The following PLXNA4 variants were observed in gnomAD, a reference collection of about 807,000 sequenced individuals.
PLXNA4 encodes plexin A4, also known as plexin-A4.
PLXNA4 carries 44 observed loss-of-function variants against 191.8 expected under a neutral mutation model. The observed-to-expected ratio is 0.23, with a 90% confidence interval of 0.18 to 0.29. The LOEUF (loss-of-function observed/expected upper bound fraction) is 0.29. PLXNA4 is among the 10% of genes least tolerant of loss of function. The pLI is 1.00. For synonymous variants in PLXNA4, 1,082 were observed against 1,009.5 expected (o/e 1.07, Z -1.36); for missense variants, 1,800 against 2,488.8 (o/e 0.72, Z 5.89).
At chr7:132,609,875 C>A (rs1803013569) in intron 2 of PLXNA4, among the ~76,000 whole-genome samples, 1 of 152,208 alleles carries the variant, frequency 6.6e-6, no homozygotes, top group Admixed American at 6.5e-5. Flanking sequence ...ACTCCATGAG[C>A]ACTGGCTTTT....
intron 17 of PLXNA4, 69 bp downstream of exon 17, chr7:132,182,028 C>G: frequency 6.2e-7 from 1 of 1,609,734 alleles, no homozygotes; most frequent in East Asian, 2.2e-5. Context: ...CTTGGGAAGA[C>G]CCACACCCTT....
chr7:132,153,360 G>C (rs1017863609), intron 25 of PLXNA4, among the ~76,000 whole-genome samples: 6 of 152,150 alleles, frequency 3.9e-5, no homozygotes, highest in African/African-American at 1.4e-4. Flanking sequence ...TGAGGCCAGG[G>C]AGACAGAGCG....
chr7:132,475,938 G>A (rs1282428104), intron 3 of PLXNA4, among the ~76,000 whole-genome samples: 1 of 152,102 alleles, frequency 6.6e-6, no homozygotes, highest in Non-Finnish European at 1.5e-5. Flanking sequence ...TAGGTGGTGT[G>A]CCGCTAATCT....
rs1037667776 is a variant in PLXNA4, at chr7:132,552,559, C to T, written c.-87+23863G>A. On this transcript the variant is annotated intron_variant, in intron 1 of 31. Coordinates refer to ENST00000321063, the MANE Select transcript of PLXNA4 (RefSeq NM_020911.2). ...TCAGCTCCCAATTTCCTGTAGCACA[C>T]CCCATAGCTAGAAGGCTCTGGAAGG... Among the ~76,000 whole-genome samples the T allele has an allele frequency of 2.0e-5, 3 of 152,176 alleles. 1 individual carries two copies. The South Asian group carries it at 6.2e-4, about 32-fold the overall frequency.
chr7:132,273,438 G>T (rs1800153489), intron 4 of PLXNA4, among the ~76,000 whole-genome samples: 2 of 152,254 alleles, frequency 1.3e-5, no homozygotes, highest in Non-Finnish European at 2.9e-5. Flanking sequence ...ATTGCACCCA[G>T]CTTTGCTGAC....
intron 3 of PLXNA4, among the ~76,000 whole-genome samples, chr7:132,395,746 C>G (rs907191971): frequency 2.6e-5 from 4 of 152,194 alleles, no homozygotes; most frequent in African/African-American, 9.7e-5. Flanking sequence ...AGCAAGAAGT[C>G]CAGATGCAAG....
At chr7:132,143,245 A>AAGTC (rs1313410741) in intron 29 of PLXNA4, among the ~76,000 whole-genome samples, 2 of 152,088 alleles carry the variant, frequency 1.3e-5, no homozygotes, top group African/African-American at 4.8e-5. Flanking sequence ...GCAATAGATC[A>AAGTC]AGTCAGGGTT....
chr7:132,403,810 G>C (rs913914120), intron 3 of PLXNA4, among the ~76,000 whole-genome samples: 12 of 152,118 alleles, frequency 7.9e-5, no homozygotes, highest in African/African-American at 2.9e-4. Context: ...AGGACCTGAG[G>C]GATCAGGAGG....
chr7:132,594,106 T>C (rs2116830501), intron 2 of PLXNA4, among the ~76,000 whole-genome samples: 2 of 152,340 alleles, frequency 1.3e-5, no homozygotes, highest in Admixed American at 1.3e-4. Flanking sequence ...GTGAAAGTGG[T>C]CACCACCAAT....
intron 3 of PLXNA4, among the ~76,000 whole-genome samples, chr7:132,455,800 G>A (rs935120662): frequency 6.6e-6 from 1 of 152,164 alleles, no homozygotes; most frequent in Non-Finnish European, 1.5e-5. Context: ...TGAGGGTGTG[G>A]GTGCCTGGCT....
chr7:132,506,527 A>T (rs1311966868), intron 2 of PLXNA4, among the ~76,000 whole-genome samples: 1 of 152,234 alleles, frequency 6.6e-6, no homozygotes. Flanking sequence ...AAGGACAAGA[A>T]CACTGAAGAT....
chr7:132,621,729 C>T (rs1585411064), intron 2 of PLXNA4, among the ~76,000 whole-genome samples: 1 of 152,288 alleles, frequency 6.6e-6, no homozygotes, highest in East Asian at 1.9e-4. Flanking sequence ...GAAGTGGCTG[C>T]ACCAATTTAC....
chr7:132,482,701 T>TC (rs899523357), intron 3 of PLXNA4, among the ~76,000 whole-genome samples: 5 of 150,638 alleles, frequency 3.3e-5, no homozygotes, highest in African/African-American at 7.3e-5. Flanking sequence ...GAAACTTTTT[T>TC]TTTTTTTTTG....
At chr7:132,564,657 A>G (rs1179742718) in intron 1 of PLXNA4, among the ~76,000 whole-genome samples, 1 of 152,188 alleles carries the variant, frequency 6.6e-6, no homozygotes, top group Non-Finnish European at 1.5e-5. Flanking sequence ...CTCAATAAAT[A>G]TTGCTTGAAT....
At chr7:132,588,732 A>AAGAAAAAGAAAGAAAGAGAGAAAGAG in intron 2 of PLXNA4, among the ~76,000 whole-genome samples, 1 of 150,208 alleles carries the variant, frequency 6.7e-6, no homozygotes, top group Non-Finnish European at 1.5e-5. Flanking sequence ...AAAAGAAAAA[A>AAGAAAAAGAAAGAAAGAGAGAAAGAG]AGAAAAAGAA....
chr7:132,646,366 T>C (rs192472337), intron 1 of PLXNA4, among the ~76,000 whole-genome samples: 3 of 152,290 alleles, frequency 2.0e-5, no homozygotes, highest in Non-Finnish European at 4.4e-5. Context: ...ATTCCCTCCC[T>C]GTTATGGACT....
At chr7:132,144,099 C>T (rs1795352350) in intron 29 of PLXNA4, among the ~76,000 whole-genome samples, 2 of 152,170 alleles carry the variant, frequency 1.3e-5, no homozygotes, top group South Asian at 4.1e-4. Context: ...CTTTGCCCAT[C>T]CTAGCAGTTG....
chr7:132,259,192 G>A (rs1458318317), intron 4 of PLXNA4, among the ~76,000 whole-genome samples: 1 of 151,906 alleles, frequency 6.6e-6, no homozygotes, highest in African/African-American at 2.4e-5. Flanking sequence ...AGCTTGGATG[G>A]ACCCTCCATC....
intron 24 of PLXNA4, 130 bp from the exon 25 acceptor site, chr7:132,159,762 G>T: frequency 6.8e-7 from 1 of 1,460,128 alleles, no homozygotes. Flanking sequence ...GAGGAGTAGG[G>T]TGGCTCCAGG....
Sources: allele counts gnomAD v4.1 joint callset (sites outside exome capture counted in the v4.1 genomes callset), GRCh38; gene constraint gnomAD v4.1.1; transcripts MANE v1.5; gene names NCBI Gene and HGNC (gene_info 2026-07-23, HGNC 2026-07-21).